PICALM: variants seen among roughly 807,000 people sequenced by gnomAD.
PICALM encodes the protein phosphatidylinositol binding clathrin assembly protein, also known as phosphatidylinositol-binding clathrin assembly protein.
PICALM carries 40 observed loss-of-function variants against 80.5 expected under a neutral mutation model. The ratio of observed to expected loss-of-function variants is 0.50; its 90% CI spans 0.39 to 0.65. The LOEUF (loss-of-function observed/expected upper bound fraction) is 0.65, where lower values mean the gene tolerates loss of function less well. PICALM is among the 30% of genes least tolerant of loss of function. PICALM has a pLI of 0.00. For missense variants in PICALM, 676 were observed against 778.9 expected (o/e 0.87, Z 1.57); for synonymous variants, 288 against 260.3 (o/e 1.11, Z -1.02).
At chr11:85,972,182 T>G (rs1388417671) in intron 19 of PICALM, among the ~76,000 whole-genome samples, 2 of 152,232 alleles carry the variant, frequency 1.3e-5, no homozygotes, top group Non-Finnish European at 2.9e-5. Flanking sequence ...AGGTTGAAGG[T>G]TATTACCCAA....
chr11:85,993,470 G>A (rs1001088885), intron 12 of PICALM, among the ~76,000 whole-genome samples: 6 of 151,434 alleles, frequency 4.0e-5, no homozygotes, highest in African/African-American at 9.7e-5. Flanking sequence ...ACAGAGGTTC[G>A]CTCTGTCGCC....
At chr11:85,974,127 G>A (rs948671793) in intron 19 of PICALM, among the ~76,000 whole-genome samples, 1 of 152,126 alleles carries the variant, frequency 6.6e-6, no homozygotes, top group African/African-American at 2.4e-5. Context: ...GGAACTAGGA[G>A]AGAAAAGCCT....
intron 1 of PICALM, among the ~76,000 whole-genome samples, chr11:86,053,316 T>C (rs1284693648): frequency 6.6e-6 from 1 of 152,150 alleles, no homozygotes; most frequent in South Asian, 2.1e-4. Flanking sequence ...CATGTCCAAA[T>C]AAGGCAAACG....
intron 19 of PICALM, among the ~76,000 whole-genome samples, chr11:85,960,964 T>C (rs2135273984): frequency 6.6e-6 from 1 of 152,038 alleles, no homozygotes; most frequent in East Asian, 1.9e-4. Flanking sequence ...TTAAAAGGTA[T>C]GCAATGGCAT....
intron 1 of PICALM, among the ~76,000 whole-genome samples, chr11:86,033,287 T>C (rs1208710786): frequency 6.6e-6 from 1 of 152,208 alleles, no homozygotes; most frequent in Non-Finnish European, 1.5e-5. Context: ...TGTATATATA[T>C]ATACTGTACT....
At chr11:85,996,229 A>T (rs2094955915) in intron 12 of PICALM, among the ~76,000 whole-genome samples, 1 of 152,172 alleles carries the variant, frequency 6.6e-6, no homozygotes, top group South Asian at 2.1e-4. Flanking sequence ...TATGAGAGAT[A>T]AGCCTATCAC....
chr11:86,037,501 A>G (rs960078784), intron 1 of PICALM, among the ~76,000 whole-genome samples: 2 of 148,366 alleles, frequency 1.3e-5, no homozygotes, highest in Non-Finnish European at 3.0e-5. Context: ...CTTGTGATCC[A>G]CCTGCCTCGG....
At chr11:86,031,394 G>C (rs1040745083) in intron 2 of PICALM, 75 bp downstream of exon 2, 39 of 1,194,548 alleles carry the variant, frequency 3.3e-5, no homozygotes, top group Non-Finnish European at 4.3e-5. Flanking sequence ...AGCTGTTTCT[G>C]AAGTTTCAGT....
chr11:86,069,274 A>T, upstream of PICALM: 1 of 172,228 alleles, frequency 5.8e-6, no homozygotes, highest in East Asian at 1.1e-4. Flanking sequence ...CGGGCGCAAC[A>T]GGAGGCCCGC....
chr11:85,967,882 C>T (rs1024723002), intron 19 of PICALM, among the ~76,000 whole-genome samples: 6 of 152,168 alleles, frequency 3.9e-5, no homozygotes, highest in African/African-American at 1.2e-4. Context: ...CACAACAAGC[C>T]ATCATTTCCT....
chr11:85,992,102 C>A (rs1379458467), intron 12 of PICALM, among the ~76,000 whole-genome samples: 1 of 152,080 alleles, frequency 6.6e-6, no homozygotes, highest in Non-Finnish European at 1.5e-5. Flanking sequence ...CCTGCCTTGG[C>A]CTCCCAAAGT....
At chr11:86,067,575 G>A (rs889363269) in intron 1 of PICALM, among the ~76,000 whole-genome samples, 7 of 152,174 alleles carry the variant, frequency 4.6e-5, no homozygotes, top group Non-Finnish European at 8.8e-5. Flanking sequence ...TGTAAGAGAA[G>A]CTAAAGCTAG....
At chr11:86,001,561 C>T (rs1024801337) in intron 9 of PICALM, among the ~76,000 whole-genome samples, 1 of 152,162 alleles carries the variant, frequency 6.6e-6, no homozygotes, top group Non-Finnish European at 1.5e-5. Context: ...GCCTACGTTT[C>T]GGCAGTGCCA....
At chr11:85,969,638 C>T (rs2094031838) in intron 19 of PICALM, 1 of 406,498 alleles carries the variant, frequency 2.5e-6, no homozygotes, top group East Asian at 8.1e-5. Context: ...ATTAAACATG[C>T]TTTAAAGCAT....
At chr11:86,006,295 A>G (rs1453452523) in intron 8 of PICALM, among the ~76,000 whole-genome samples, 1 of 152,232 alleles carries the variant, frequency 6.6e-6, no homozygotes, top group Non-Finnish European at 1.5e-5. Context: ...ATTAGAGGGA[A>G]GAATCAGAAC....
At chr11:86,007,741 G>A (rs1320159807) in intron 7 of PICALM, among the ~76,000 whole-genome samples, 158 bp from the exon 8 acceptor site, 2 of 152,014 alleles carry the variant, frequency 1.3e-5, no homozygotes, top group Non-Finnish European at 2.9e-5. Context: ...CATTTCCAAT[G>A]GCTTAGATAT....
chr11:86,003,311 A>G, intron 9 of PICALM, 55 bp downstream of exon 9: 1 of 1,015,792 alleles, frequency 9.8e-7, no homozygotes, highest in Non-Finnish European at 1.5e-6. Context: ...AGCTGGTTTC[A>G]TCTACTGCCT....
chr11:85,983,534 A>G (rs1445683377), intron 14 of PICALM, among the ~76,000 whole-genome samples: 1 of 152,210 alleles, frequency 6.6e-6, no homozygotes, highest in Non-Finnish European at 1.5e-5. Context: ...GTTATTATTC[A>G]TTTCAGTAAA....
chr11:86,014,575 T>C (rs1297835464), intron 5 of PICALM, among the ~76,000 whole-genome samples: 2 of 152,168 alleles, frequency 1.3e-5, no homozygotes, highest in African/African-American at 4.8e-5. Context: ...CCCTGTACAT[T>C]TTCAAGATCT....
Sources: allele counts gnomAD v4.1 joint callset (sites outside exome capture counted in the v4.1 genomes callset), GRCh38; gene constraint gnomAD v4.1.1; transcripts MANE v1.5; gene names NCBI Gene and HGNC (gene_info 2026-07-23, HGNC 2026-07-21).